PDS5B: variants seen among roughly 807,000 people sequenced by gnomAD.
PDS5B encodes PDS5 cohesin associated factor B.
In PDS5B, 51 loss-of-function variants were observed where a neutral mutation model predicts 184.1. The observed-to-expected ratio is 0.28, with a 90% CI of 0.22 to 0.35. The LOEUF is 0.35. PDS5B is among the 10% of genes least tolerant of loss of function. The pLI is 1.00. For missense variants in PDS5B, 1,180 were observed against 1,723.3 expected, an observed-to-expected ratio of 0.68 and a Z score of 5.58; for synonymous variants, 566 against 569.2, an observed-to-expected ratio of 0.99 and a Z score of 0.08.
Position 32,674,443 on chromosome 13 carries a change from C to G in PDS5B, c.846+1087C>G, listed in dbSNP as rs528180706. On this transcript the variant is annotated intron_variant, in intron 8 of 34. Transcript: ENST00000315596. The stretch of plus-strand genomic sequence containing the variant: ...ATTCAATTAACTGGCCTTCCTGTCC[C>G]CTTTTTAATGTGGTTAGTGATTTGG... Among the ~76,000 whole-genome samples the G allele has an allele frequency of 2.6e-5, 4 of 152,158 alleles. No homozygotes were observed. The South Asian group carries it at 8.3e-4, about 32-fold the overall frequency.
Position 32,773,172 on chromosome 13 carries a change from C to A in PDS5B, c.4173-17C>A. ...AGATTGGAACGTTCATTGTGTTTTA[C>A]ATGTGTTTTACTCTAGCCGTGTAGG... On this transcript the variant is annotated splice_polypyrimidine_tract_variant and intron_variant, in intron 33 of 34. Transcript: ENST00000315596. 6.3e-7 allele frequency: 1 copy of A among 1,578,890 alleles called. No homozygotes were observed. The highest frequency in any genetic ancestry group is 1.2e-5 in the South Asian group (1 of 84,482).
chr13:32,639,586 C>T (rs1390364353), intron 1 of PDS5B, among the ~76,000 whole-genome samples: 1 of 152,100 alleles, frequency 6.6e-6, no homozygotes, highest in Middle Eastern at 3.2e-3. Context: ...ATTTACTTAG[C>T]GTTTTTTCTC....
At chr13:32,659,606 A>G (rs1487293645) in intron 6 of PDS5B, among the ~76,000 whole-genome samples, 1 of 152,224 alleles carries the variant, frequency 6.6e-6, no homozygotes, top group African/African-American at 2.4e-5. Flanking sequence ...TAGGGCCATA[A>G]CTAAAAGATA....
At position 32,673,353 on chromosome 13, in the gene PDS5B, A is replaced by G. The variant is rs1950983855; in HGVS notation, c.843A>G (p.Leu281=). ...TTTTACCCCAGCTTGAATTTAAATT[A>G]AAGGTAACTTGTAAAAATAATATGA... ...LSVLPQLEFK[L]KSNDNEERLQ... Residue 281 remains leucine, a synonymous_variant, in exon 8 of 35, where the codon TTA becomes TTG. Coordinates refer to ENST00000315596, the MANE Select transcript of PDS5B (RefSeq NM_015032.4). 1.2e-6 allele frequency: 2 copies of G among 1,606,324 alleles called. No individual in the cohort carries two copies. Among genetic ancestry groups the G allele is most frequent in the African/African-American group, 2.7e-5 (2 of 74,594 alleles).
chr13:32,719,629 A>C (rs963456487), intron 19 of PDS5B, among the ~76,000 whole-genome samples: 1 of 152,204 alleles, frequency 6.6e-6, no homozygotes, highest in Admixed American at 6.5e-5. Context: ...GGACAGGCTA[A>C]GTCTCTCTGC....
intron 19 of PDS5B, among the ~76,000 whole-genome samples, chr13:32,722,310 A>C (rs1335720953): frequency 2.0e-5 from 3 of 152,256 alleles, no homozygotes; most frequent in Non-Finnish European, 4.4e-5. Flanking sequence ...GCGGCAGTAC[A>C]GTCCAGCCTC....
intron 19 of PDS5B, among the ~76,000 whole-genome samples, chr13:32,720,711 T>C (rs566915012): frequency 5.6e-4 from 85 of 152,168 alleles, no homozygotes; most frequent in Admixed American, 9.8e-4. Flanking sequence ...GGCAGGGTCA[T>C]AGGACAATAG....
At chr13:32,587,993 G>C (rs1488048522) in intron 1 of PDS5B, among the ~76,000 whole-genome samples, 2 of 152,138 alleles carry the variant, frequency 1.3e-5, no homozygotes, top group East Asian at 3.8e-4. Context: ...ATGCTTGAAC[G>C]GCAGTATAGT....
rs1211466859 is a variant in PDS5B, at chr13:32,651,786, T to G, written c.109-18T>G. The G allele has an allele frequency of 1.3e-6, 2 of 1,497,540 alleles. No homozygotes were observed. The highest frequency in any genetic ancestry group is 1.4e-5 in the African/African-American group (1 of 72,106). The allele number at this position is 1,497,540 out of a possible 1,614,324, so 92.8% of individuals were successfully genotyped here. On this transcript the variant is annotated intron_variant, in intron 2 of 34. Transcript: ENST00000315596. ...TTACATGGAGCATTTCATTATTTGATTTTTTATTTTTGTATAGATGGTTGT... is the reference window on the plus strand; with the variant it reads ...TTACATGGAGCATTTCATTATTTGAGTTTTTATTTTTGTATAGATGGTTGT...
rs145584485 is a variant in PDS5B at position 32,711,892 on chromosome 13, T to C, written c.2123+1786T>C. Among the ~76,000 whole-genome samples, 6 of 152,332 alleles carry C rather than the reference T, an allele frequency of 3.9e-5. No individual in the cohort carries two copies. The East Asian group carries it at 1.2e-3, about 29-fold the overall frequency. On this transcript the variant is annotated intron_variant, in intron 19 of 34. Coordinates refer to ENST00000315596, the MANE Select transcript of PDS5B (RefSeq NM_015032.4). ...TTACTATACTGTCTCATTTAAACAT[T>C]GTAACAATTCAGTGAAGTGCGGTTA... is the stretch of plus-strand genomic sequence containing the variant.
At chr13:32,591,270 A>G (rs2057771575) in intron 1 of PDS5B, among the ~76,000 whole-genome samples, 1 of 152,090 alleles carries the variant, frequency 6.6e-6, no homozygotes, top group South Asian at 2.1e-4. Context: ...CTGGGACTAC[A>G]GGCGTGTGCC....
chr13:32,771,944 TA>T (rs373941782), intron 33 of PDS5B, among the ~76,000 whole-genome samples: 7,184 of 142,380 alleles, frequency 0.05, 194 homozygotes, highest in Non-Finnish European at 0.064. Flanking sequence ...AAGTATTTCT[TA>T]AAAAAAAAAA....
intron 7 of PDS5B, among the ~76,000 whole-genome samples, chr13:32,669,307 G>A (rs989913958): frequency 5.3e-5 from 8 of 150,956 alleles, no homozygotes; most frequent in African/African-American, 1.2e-4. Context: ...TTGGAGGGGA[G>A]GGGGGACACA....
intron 20 of PDS5B, among the ~76,000 whole-genome samples, chr13:32,734,257 C>A (rs1248833424): frequency 6.6e-6 from 1 of 152,024 alleles, no homozygotes; most frequent in Non-Finnish European, 1.5e-5. Flanking sequence ...GAACTCCTGA[C>A]CTCAGGTGAT....
At chr13:32,716,826 T>C (rs1480221246) in intron 19 of PDS5B, among the ~76,000 whole-genome samples, 5 of 74,030 alleles carry the variant, frequency 6.8e-5, no homozygotes, top group African/African-American at 7.5e-5. Flanking sequence ...CCAGCCGCCC[T>C]GTCTGGGAGG....
At chr13:32,653,184 C>T (rs1162590882) in intron 3 of PDS5B, among the ~76,000 whole-genome samples, 1 of 152,004 alleles carries the variant, frequency 6.6e-6, no homozygotes, top group African/African-American at 2.4e-5. Flanking sequence ...ACCCCAGCTA[C>T]TGTGGAGGCT....
chr13:32,610,886 C>T (rs569366364), intron 1 of PDS5B, among the ~76,000 whole-genome samples: 6 of 152,068 alleles, frequency 3.9e-5, no homozygotes, highest in Non-Finnish European at 5.9e-5. Context: ...TGTTATTCCT[C>T]TCCTCTTAGT....
intron 24 of PDS5B, among the ~76,000 whole-genome samples, chr13:32,749,329 A>G (rs1953882953): frequency 6.6e-6 from 1 of 152,100 alleles, no homozygotes; most frequent in Non-Finnish European, 1.5e-5. Flanking sequence ...CTTTTATTTT[A>G]TCTGCAGTCC....
At chr13:32,672,295 A>G (rs925406530) in intron 7 of PDS5B, among the ~76,000 whole-genome samples, 6 of 81,124 alleles carry the variant, frequency 7.4e-5, no homozygotes, top group African/African-American at 1.0e-4. Flanking sequence ...TAAGGTGAAC[A>G]AGCTATTATC....
Sources: allele counts gnomAD v4.1 joint callset (sites outside exome capture counted in the v4.1 genomes callset), GRCh38; gene constraint gnomAD v4.1.1; transcripts MANE v1.5; gene names NCBI Gene and HGNC (gene_info 2026-07-23, HGNC 2026-07-21).